TRIM2: variants seen among roughly 807,000 people sequenced by gnomAD.
TRIM2 encodes the protein tripartite motif containing 2.
TRIM2 carries 20 observed loss-of-function variants against 75.2 expected under a neutral mutation model. That is an observed-to-expected ratio of 0.27 (90% CI 0.19 to 0.39). The LOEUF is 0.39. Among genes scored for constraint, TRIM2 ranks in the 10% least tolerant of loss-of-function variants. TRIM2 has a pLI of 1.00. For synonymous variants in TRIM2, 373 were observed against 388.3 expected (o/e 0.96, Z 0.46); for missense variants, 660 against 990.8 (o/e 0.67, Z 4.48).
At chr4:153,192,507 T>C (rs1733300661) in intron 1 of TRIM2, among the ~76,000 whole-genome samples, 2 of 149,728 alleles carry the variant, frequency 1.3e-5, no homozygotes, top group South Asian at 4.2e-4. Flanking sequence ...CTCAGGAGAC[T>C]GAGGTGGGAG....
intron 1 of TRIM2, among the ~76,000 whole-genome samples, chr4:153,257,017 G>A (rs1752232262): frequency 6.6e-6 from 1 of 152,206 alleles, no homozygotes; most frequent in Admixed American, 6.5e-5. Flanking sequence ...GAGCAAGTGT[G>A]TGCTCTCACA....
intron 1 of TRIM2, among the ~76,000 whole-genome samples, chr4:153,171,388 C>T (rs1730832644): frequency 6.6e-6 from 1 of 152,084 alleles, no homozygotes; most frequent in Non-Finnish European, 1.5e-5. Flanking sequence ...GAGTTCCAGA[C>T]CAGCCTGACC....
chr4:153,282,338 A>T (rs1759538348), intron 3 of TRIM2, among the ~76,000 whole-genome samples: 1 of 152,190 alleles, frequency 6.6e-6, no homozygotes. Context: ...CACACTTAAG[A>T]TATTGAACTA....
At chr4:153,221,753 AGG>A (rs1740088202) in intron 1 of TRIM2, among the ~76,000 whole-genome samples, 1 of 140,550 alleles carries the variant, frequency 7.1e-6, no homozygotes, top group African/African-American at 2.6e-5. Flanking sequence ...GAAGGGAGGG[AGG>A]GAGGAAATAA....
intron 1 of TRIM2, among the ~76,000 whole-genome samples, chr4:153,184,675 A>G (rs1347799832): frequency 6.6e-6 from 1 of 152,202 alleles, no homozygotes; most frequent in Non-Finnish European, 1.5e-5. Flanking sequence ...CTCACCTGGA[A>G]TTGTCCTTAA....
chr4:153,293,765 G>T (rs940122822), intron 4 of TRIM2, among the ~76,000 whole-genome samples: 1 of 152,216 alleles, frequency 6.6e-6, no homozygotes, highest in Non-Finnish European at 1.5e-5. Context: ...GGAAACTTAC[G>T]AGAAGTTCTC....
chr4:153,180,162 C>G (rs140899465), intron 1 of TRIM2, among the ~76,000 whole-genome samples: 1 of 152,274 alleles, frequency 6.6e-6, no homozygotes, highest in African/African-American at 2.4e-5. Flanking sequence ...GCTAACTAAA[C>G]GGGCAGAATG....
Position 153,244,409 on chromosome 4 carries a change from TTC to T in TRIM2, c.31-25924_31-25923del, listed in dbSNP as rs1457171615. 1.6e-3 allele frequency among the ~76,000 whole-genome samples: 138 copies of T among 87,766 alleles called. 12 individuals are homozygous for T. The highest frequency in any genetic ancestry group is 2.3e-3 in the Non-Finnish European group (112 of 48,816). The allele number at this position is 87,766 out of a possible 152,430, so 57.6% of individuals were successfully genotyped here. On this transcript the variant is annotated intron_variant, in intron 1 of 11. Coordinates refer to ENST00000338700, the MANE Select transcript of TRIM2 (RefSeq NM_015271.5). ...CTTCTTCTTCTTCTTCTTCTTCTTCTTCTTCTTCTTCTTCTTCTTCTTCTTCT... is the reference window on the plus strand; with the variant it reads ...CTTCTTCTTCTTCTTCTTCTTCTTCTTTCTTCTTCTTCTTCTTCTTCTTCT...
At chr4:153,239,349 C>T (rs1207906273) in intron 1 of TRIM2, among the ~76,000 whole-genome samples, 1 of 120,562 alleles carries the variant, frequency 8.3e-6, no homozygotes, top group Non-Finnish European at 1.6e-5. Context: ...GTGACTCCGT[C>T]TCAAAAAAAA....
chr4:153,161,767 G>T (rs1168838370), intron 1 of TRIM2, among the ~76,000 whole-genome samples: 1 of 152,194 alleles, frequency 6.6e-6, no homozygotes, highest in East Asian at 1.9e-4. Context: ...TTCCAAGGTG[G>T]TCAATTATGT....
In TRIM2 at chr4:153,276,138, G is replaced by A. The variant is rs764734635; in HGVS notation, c.453+8G>A. On this transcript the variant is annotated splice_region_variant and intron_variant, in intron 3 of 11. Transcript: ENST00000338700. ...CCAAACCACGATGGGAATGTAAGTGGCTGGGATGGCAGATACTGCCCGGGA... is the reference window on the plus strand; with the variant it reads ...CCAAACCACGATGGGAATGTAAGTGACTGGGATGGCAGATACTGCCCGGGA... 5 of 1,611,672 alleles carry A rather than the reference G, an allele frequency of 3.1e-6. No homozygotes were observed. Among genetic ancestry groups the A allele is most frequent in the African/African-American group, 1.3e-5 (1 of 74,892 alleles).
chr4:153,200,344 G>A (rs978791400), upstream of TRIM2, among the ~76,000 whole-genome samples: 3 of 151,976 alleles, frequency 2.0e-5, no homozygotes, highest in East Asian at 3.9e-4. Flanking sequence ...AATGTTTTAG[G>A]GATTCATCTT....
rs980047319 is a variant in TRIM2, at chr4:153,270,470, C to T, written c.166C>T (p.Arg56Trp). The T allele has an allele frequency of 8.7e-6, 14 of 1,613,552 alleles. No homozygotes were observed. Among genetic ancestry groups the T allele is most frequent in the Admixed American group, 3.3e-5 (2 of 59,926 alleles). Residue 56 changes from arginine to tryptophan, a missense_variant, in exon 2 of 12, where the codon CGG becomes TGG. By Grantham distance (101) the Arg-to-Trp change is moderately radical. Coordinates refer to ENST00000338700, the MANE Select transcript of TRIM2 (RefSeq NM_015271.5). Reference sequence around the variant, plus strand: ...TCTGATTTGCAGTATATGCCTGGAACGGTACAAGAATCCCAAGGTTCTCCC... The same window carrying T: ...TCTGATTTGCAGTATATGCCTGGAATGGTACAAGAATCCCAAGGTTCTCCC... Reference protein sequence around the residue: ...QFLICSICLERYKNPKVLPCL... With the variant: ...QFLICSICLEWYKNPKVLPCL...
At chr4:153,236,531 A>T (rs900148399) in intron 1 of TRIM2, among the ~76,000 whole-genome samples, 1 of 152,112 alleles carries the variant, frequency 6.6e-6, no homozygotes, top group Non-Finnish European at 1.5e-5. Context: ...AGTTGTCCTC[A>T]ATTCTGCTTT....
In TRIM2 at chr4:153,338,053, A is replaced by G. The variant is rs1772656165; in HGVS notation, c.*3087A>G. ...AGTCTCCAGAACTAAACAAGTCCCT[A>G]AGTTTCCTTATTTTAATTTACTGTG... On this transcript the variant is annotated 3_prime_UTR_variant, in exon 12 of 12. Transcript: ENST00000338700. The G allele has an allele frequency of 1.0e-6, 1 of 985,752 alleles. No individual in the cohort carries two copies. Among genetic ancestry groups the G allele is most frequent in the Non-Finnish European group, 1.2e-6 (1 of 829,896 alleles). The allele number at this position is 985,752 out of a possible 1,614,324, so 61.1% of individuals were successfully genotyped here.
chr4:153,207,801 T>C (rs188488137), intron 1 of TRIM2, among the ~76,000 whole-genome samples: 2 of 152,322 alleles, frequency 1.3e-5, no homozygotes, highest in Admixed American at 1.3e-4. Flanking sequence ...GTCACGGTTT[T>C]CTATCTGTCC....
chr4:153,259,922 C>A (rs1051836140), intron 1 of TRIM2, among the ~76,000 whole-genome samples: 8 of 152,166 alleles, frequency 5.3e-5, no homozygotes, highest in African/African-American at 1.9e-4. Context: ...TGTTTCTATT[C>A]CCTTCTACTT....
chr4:153,188,385 G>A (rs1457233507), intron 1 of TRIM2, among the ~76,000 whole-genome samples: 1 of 151,938 alleles, frequency 6.6e-6, no homozygotes, highest in Non-Finnish European at 1.5e-5. Context: ...ATCTGAGCTC[G>A]AGAGGTAGAG....
Position 153,334,984 on chromosome 4 carries a change from C to A in TRIM2, c.*18C>A, listed in dbSNP as rs1772281960. 6.2e-7 allele frequency: 1 copy of A among 1,604,852 alleles called. No individual in the cohort carries two copies. Among genetic ancestry groups the A allele is most frequent in the South Asian group, 1.1e-5 (1 of 89,822 alleles). On this transcript the variant is annotated 3_prime_UTR_variant, in exon 12 of 12. Transcript: ENST00000338700. ...TACAGTAATGGTGGGCAGGTGGATA[C>A]CCGCTTCCATGGTCTTGCACTATAA...
Sources: gnomAD v4.1 joint callset for allele counts (sites outside exome capture counted in the v4.1 genomes callset) on GRCh38, gnomAD v4.1.1 for gene constraint, MANE v1.5 for transcripts, NCBI Gene and HGNC (gene_info 2026-07-23, HGNC 2026-07-21) for gene names.